CAB39L: variants seen among roughly 807,000 people sequenced by gnomAD.
The protein encoded by CAB39L is calcium-binding protein 39-like.
Under a neutral mutation model 39.1 loss-of-function variants are expected in CAB39L, and 23 were observed. That is an observed-to-expected ratio of 0.59 (90% confidence interval 0.42 to 0.83). The LOEUF (loss-of-function observed/expected upper bound fraction) is 0.83, where lower values mean the gene tolerates loss of function less well. Ranked by LOEUF, CAB39L falls within the 40% of genes least tolerant of loss-of-function variation. The pLI is 0.00. For missense variants in CAB39L, 366 were observed against 391.9 expected (o/e 0.93, Z 0.56); for synonymous variants, 126 against 137.2 (o/e 0.92, Z 0.57).
chr13:49,389,523 C>T (rs774133761), intron 3 of CAB39L, among the ~76,000 whole-genome samples: 10 of 151,864 alleles, frequency 6.6e-5, no homozygotes, highest in Non-Finnish European at 1.5e-4. Flanking sequence ...CACCTATACT[C>T]CCAGCTACTC....
chr13:49,439,067 C>T (rs1197029904), intron 1 of CAB39L, among the ~76,000 whole-genome samples: 2 of 152,104 alleles, frequency 1.3e-5, no homozygotes, highest in Admixed American at 6.5e-5. Flanking sequence ...CTCTTGACTC[C>T]TTTTTAAAAA....
chr13:49,360,163 G>GA (rs1489651420), intron 5 of CAB39L, among the ~76,000 whole-genome samples: 3 of 151,856 alleles, frequency 2.0e-5, no homozygotes, highest in African/African-American at 7.3e-5. Context: ...CTTTATGCAA[G>GA]AAAAAAATTA....
intron 2 of CAB39L, among the ~76,000 whole-genome samples, 153 bp downstream of exon 2, chr13:49,433,933 T>A (rs188317834): frequency 6.6e-6 from 1 of 152,326 alleles, no homozygotes; most frequent in East Asian, 1.9e-4. Flanking sequence ...TGAAAACCCA[T>A]GCCTGCTAGA....
chr13:49,313,511 G>A (rs1262109769), intron 10 of CAB39L, among the ~76,000 whole-genome samples: 1 of 151,732 alleles, frequency 6.6e-6, no homozygotes, highest in Non-Finnish European at 1.5e-5. Flanking sequence ...CAACTGCCCA[G>A]GTCCTACCTC....
chr13:49,419,612 C>A (rs999359031), intron 3 of CAB39L, among the ~76,000 whole-genome samples: 3 of 152,116 alleles, frequency 2.0e-5, no homozygotes, highest in African/African-American at 7.2e-5. Flanking sequence ...AAATGAAATT[C>A]AAAATGTAAA....
Position 49,332,086 on chromosome 13 carries a change from A to G in CAB39L, c.695T>C (p.Leu232Pro). 1 of 1,613,764 alleles carries G rather than the reference A, an allele frequency of 6.2e-7. No homozygotes were observed. Among genetic ancestry groups the G allele is most frequent in the Non-Finnish European group, 8.5e-7 (1 of 1,179,764 alleles). Residue 232 changes from leucine to proline, a missense_variant, in exon 10 of 11, where the codon CTA becomes CCA. Coordinates refer to ENST00000409308, the MANE Select transcript of CAB39L (RefSeq NM_001079670.3). ...YVTKRQSLKL[L>P]GELILDRHNF... ...GTGACGGTCCAGGATCAGCTCCCCT[A>G]GCAGCTAGAGGAAAACACAAAACCA...
chr13:49,431,198 C>T (rs1957316662), intron 3 of CAB39L, among the ~76,000 whole-genome samples: 1 of 152,084 alleles, frequency 6.6e-6, no homozygotes, highest in Non-Finnish European at 1.5e-5. Context: ...GATATGCTTC[C>T]ATTGCAATAC....
At chr13:49,431,042 C>T (rs1013289159) in intron 3 of CAB39L, among the ~76,000 whole-genome samples, 1 of 152,166 alleles carries the variant, frequency 6.6e-6, no homozygotes, top group African/African-American at 2.4e-5. Context: ...ATAAGCTGCA[C>T]ATATTTAAAG....
intron 9 of CAB39L, among the ~76,000 whole-genome samples, chr13:49,338,443 T>A (rs564516237): frequency 1.4e-5 from 2 of 142,700 alleles, no homozygotes; most frequent in Non-Finnish European, 3.0e-5. Flanking sequence ...TAGGTGGGAA[T>A]TGAACAATGA....
At chr13:49,372,812 C>G (rs1033379570) in intron 5 of CAB39L, among the ~76,000 whole-genome samples, 11 of 152,066 alleles carry the variant, frequency 7.2e-5, no homozygotes, top group Non-Finnish European at 1.6e-4. Context: ...GTAGCTGGGA[C>G]TACAGGCGCC....
intron 5 of CAB39L, among the ~76,000 whole-genome samples, chr13:49,361,542 AAGAG>A (rs1162336030): frequency 2.3e-5 from 3 of 128,398 alleles, no homozygotes; most frequent in Non-Finnish European, 3.3e-5. Context: ...GACAGAAAAA[AAGAG>A]AGAGAAAGAG....
intron 3 of CAB39L, among the ~76,000 whole-genome samples, chr13:49,427,296 C>G (rs931836159): frequency 1.3e-5 from 2 of 152,184 alleles, no homozygotes; most frequent in Admixed American, 6.5e-5. Context: ...TCTACAGTTT[C>G]TCCAAGATAC....
At chr13:49,357,993 C>T (rs546009288) in intron 6 of CAB39L, among the ~76,000 whole-genome samples, 5 of 152,218 alleles carry the variant, frequency 3.3e-5, no homozygotes, top group South Asian at 4.1e-4. Flanking sequence ...TTCTGTGGGC[C>T]GAAATGGCAA....
chr13:49,311,349 A>G (rs759497819), intron 10 of CAB39L, among the ~76,000 whole-genome samples: 1 of 152,244 alleles, frequency 6.6e-6, no homozygotes, highest in Non-Finnish European at 1.5e-5. Flanking sequence ...ATAAAATTCA[A>G]GCCCGTACAA....
At chr13:49,324,194 G>A (rs1041227828) in intron 10 of CAB39L, among the ~76,000 whole-genome samples, 1 of 152,020 alleles carries the variant, frequency 6.6e-6, no homozygotes, top group Non-Finnish European at 1.5e-5. Flanking sequence ...GTGGGTGCCT[G>A]TAATCCCAGC....
chr13:49,391,557 T>A (rs1356162285), intron 3 of CAB39L, among the ~76,000 whole-genome samples: 1 of 152,222 alleles, frequency 6.6e-6, no homozygotes, highest in Non-Finnish European at 1.5e-5. Context: ...TTATAGACTT[T>A]GTTCAAGGAA....
chr13:49,311,928 C>T (rs894128060), intron 10 of CAB39L, among the ~76,000 whole-genome samples: 6 of 152,214 alleles, frequency 3.9e-5, no homozygotes, highest in African/African-American at 1.4e-4. Flanking sequence ...GGGTCTCGCT[C>T]TGTCACCCAG....
chr13:49,441,221 GTATATATATATA>G lies in CAB39L; in HGVS notation c.-246+2753_-246+2764del, dbSNP rs59783079. Among the ~76,000 whole-genome samples, 8 of 121,464 alleles carry G rather than the reference GTATATATATATA, an allele frequency of 6.6e-5. No homozygotes were observed. The South Asian group carries it at 2.0e-3, about 30-fold the overall frequency. The allele number at this position is 121,464 out of a possible 152,430, so 79.7% of individuals were successfully genotyped here. A position where few individuals can be genotyped will look rare whatever the true frequency, so the allele number is the denominator to read the frequency against. On this transcript the variant is annotated intron_variant, in intron 1 of 10. Transcript: ENST00000409308. ...GATGATTTTCTTATAATGATTTAGTGTATATATATATATATATATATATTCCCTTTTCCCATA... is the reference window on the plus strand; with the variant it reads ...GATGATTTTCTTATAATGATTTAGTGTATATATATATTCCCTTTTCCCATA...
At position 49,350,853 on chromosome 13, in the gene CAB39L, T is replaced by C. The variant is rs1955326309; in HGVS notation, c.455A>G (p.His152Arg). The C allele has an allele frequency of 2.5e-6, 4 of 1,612,770 alleles. No individual in the cohort carries two copies. Among genetic ancestry groups the C allele is most frequent in the Non-Finnish European group, 3.4e-6 (4 of 1,179,316 alleles). ...GAGGATGATTTTGGCAAGTGGTTCA[T>C]GTCGAATACATTCTCTCAGCATAAT... The part of the protein sequence containing the change: ...CGIMLRECIR[H>R]EPLAKIILFS... Residue 152 changes from histidine to arginine, a missense_variant, in exon 7 of 11, where the codon CAT becomes CGT. Transcript: ENST00000409308.
Sources: allele counts gnomAD v4.1 joint callset (sites outside exome capture counted in the v4.1 genomes callset), GRCh38; gene constraint gnomAD v4.1.1; transcripts MANE v1.5; gene names NCBI Gene and HGNC (gene_info 2026-07-23, HGNC 2026-07-21).